FNDC3B: variants seen among roughly 807,000 people sequenced by gnomAD.
FNDC3B encodes fibronectin type III domain-containing protein 3B.
FNDC3B carries 12 observed loss-of-function variants against 151.5 expected under a neutral mutation model. The observed-to-expected ratio is 0.08, with a 90% CI of 0.05 to 0.13. The LOEUF (loss-of-function observed/expected upper bound fraction) is 0.13. FNDC3B is among the 10% of genes least tolerant of loss of function. The probability of loss-of-function intolerance (pLI) is 1.00; values close to 1 mark genes in which losing one functional copy is unlikely to be tolerated. For missense variants in FNDC3B, 1,214 were observed against 1,505.3 expected (o/e 0.81, Z 3.20); for synonymous variants, 528 against 549.0 (o/e 0.96, Z 0.54).
chr3:172,239,853 GTTCTTTTT>G (rs1727392116), intron 4 of FNDC3B, among the ~76,000 whole-genome samples: 4 of 65,876 alleles, frequency 6.1e-5, no homozygotes, highest in African/African-American at 2.3e-4. Flanking sequence ...ATCCATTTTA[GTTCTTTTT>G]TTTTTTTTTT....
intron 11 of FNDC3B, among the ~76,000 whole-genome samples, chr3:172,325,493 A>G (rs1323743804): frequency 6.6e-6 from 1 of 152,216 alleles, no homozygotes; most frequent in Non-Finnish European, 1.5e-5. Flanking sequence ...CCTCTAAAGC[A>G]TTAGCTCTTT....
At chr3:172,343,324 C>CGAG (rs1288748518) in intron 18 of FNDC3B, among the ~76,000 whole-genome samples, 1 of 152,162 alleles carries the variant, frequency 6.6e-6, no homozygotes, top group African/African-American at 2.4e-5. Context: ...CTGTCCCTCA[C>CGAG]CTTCCTCTTC....
At chr3:172,052,208 C>A (rs1021141602) in intron 1 of FNDC3B, among the ~76,000 whole-genome samples, 2 of 151,032 alleles carry the variant, frequency 1.3e-5, no homozygotes, top group Non-Finnish European at 3.0e-5. Context: ...CCCTCAGCCT[C>A]CCACGTGAAT....
chr3:172,182,653 G>A (rs907503412), intron 3 of FNDC3B, among the ~76,000 whole-genome samples: 1 of 152,158 alleles, frequency 6.6e-6, no homozygotes, highest in Admixed American at 6.5e-5. Context: ...GTTAAACGCA[G>A]GGAATTCCAA....
chr3:172,213,897 C>T (rs191714116), intron 3 of FNDC3B, among the ~76,000 whole-genome samples: 177 of 152,196 alleles, frequency 1.2e-3, no homozygotes, highest in Middle Eastern at 3.4e-3. Context: ...GTCTCAGGCC[C>T]CCTTAGTAGT....
At chr3:172,287,945 T>C (rs1730113030) in intron 7 of FNDC3B, among the ~76,000 whole-genome samples, 1 of 152,204 alleles carries the variant, frequency 6.6e-6, no homozygotes, top group African/African-American at 2.4e-5. Context: ...CAAGCATTGC[T>C]TGGCTACAGA....
At chr3:172,223,325 A>C (rs1726385991) in intron 3 of FNDC3B, among the ~76,000 whole-genome samples, 1 of 152,230 alleles carries the variant, frequency 6.6e-6, no homozygotes, top group Non-Finnish European at 1.5e-5. Flanking sequence ...AAGGAGAGGA[A>C]CTTGGGGTTC....
intron 3 of FNDC3B, among the ~76,000 whole-genome samples, chr3:172,173,767 T>C (rs7645498): frequency 0.033 from 4,997 of 151,380 alleles, 288 homozygotes; most frequent in African/African-American, 0.12. Context: ...GCTGTTTGAG[T>C]TGTGATTGTG....
At chr3:172,146,806 G>A (rs1721934669) in intron 3 of FNDC3B, among the ~76,000 whole-genome samples, 1 of 152,108 alleles carries the variant, frequency 6.6e-6, no homozygotes, top group African/African-American at 2.4e-5. Context: ...TTTAGCTTTG[G>A]TTATAAGCTT....
intron 2 of FNDC3B, among the ~76,000 whole-genome samples, chr3:172,119,225 G>GGAGTGACT (rs1720418949): frequency 6.6e-6 from 1 of 150,588 alleles, no homozygotes; most frequent in Non-Finnish European, 1.5e-5. Flanking sequence ...ACTAAATTTA[G>GGAGTGACT]GAGTGACTGA....
At chr3:172,199,558 A>G (rs191425600) in intron 3 of FNDC3B, among the ~76,000 whole-genome samples, 22 of 152,362 alleles carry the variant, frequency 1.4e-4, no homozygotes, top group Admixed American at 2.6e-4. Flanking sequence ...TCTTAATGTC[A>G]TCAATAGGTT....
chr3:172,067,931 C>A (rs1032179055), intron 1 of FNDC3B, among the ~76,000 whole-genome samples: 1 of 152,164 alleles, frequency 6.6e-6, no homozygotes, highest in Non-Finnish European at 1.5e-5. Context: ...GAGCAGAGAA[C>A]GTTCAGGCCA....
intron 3 of FNDC3B, among the ~76,000 whole-genome samples, chr3:172,190,539 C>T (rs1434867900): frequency 5.9e-5 from 9 of 152,128 alleles, no homozygotes; most frequent in African/African-American, 2.2e-4. Context: ...TTAAAAGGCT[C>T]AAGTGGATAA....
intron 10 of FNDC3B, among the ~76,000 whole-genome samples, chr3:172,308,354 T>C (rs1381174743): frequency 6.6e-6 from 1 of 152,224 alleles, no homozygotes; most frequent in East Asian, 1.9e-4. Flanking sequence ...GTTATCAATC[T>C]CTATAGCAGT....
chr3:172,077,837 G>A (rs1718090866), intron 1 of FNDC3B, among the ~76,000 whole-genome samples: 1 of 151,884 alleles, frequency 6.6e-6, no homozygotes, highest in Non-Finnish European at 1.5e-5. Flanking sequence ...TTATATTTTC[G>A]GCTTACAGCA....
intron 1 of FNDC3B, among the ~76,000 whole-genome samples, chr3:172,043,548 G>T (rs1471782065): frequency 6.6e-6 from 1 of 152,044 alleles, no homozygotes; most frequent in Admixed American, 6.6e-5. Context: ...GTAGAGACAG[G>T]TCTCACTAGG....
intron 3 of FNDC3B, among the ~76,000 whole-genome samples, chr3:172,174,188 A>G (rs137924690): frequency 2.2e-3 from 332 of 152,296 alleles, no homozygotes; most frequent in African/African-American, 7.5e-3. Context: ...ACCTGTTAGG[A>G]TCCAAGGCAT....
At chr3:172,316,813 C>G (rs1365134466) in intron 11 of FNDC3B, among the ~76,000 whole-genome samples, 2 of 152,230 alleles carry the variant, frequency 1.3e-5, no homozygotes, top group African/African-American at 2.4e-5. Flanking sequence ...AGCTTTGTCT[C>G]TGTCTTCATC....
At chr3:172,327,860 C>T (rs1468478876) in intron 11 of FNDC3B, among the ~76,000 whole-genome samples, 1 of 152,198 alleles carries the variant, frequency 6.6e-6, no homozygotes, top group Non-Finnish European at 1.5e-5. Context: ...AAAAAATGTG[C>T]TTGCTTTGTT....
Sources: gnomAD v4.1 joint callset for allele counts (sites outside exome capture counted in the v4.1 genomes callset) on GRCh38, gnomAD v4.1.1 for gene constraint, MANE v1.5 for transcripts, NCBI Gene and HGNC (gene_info 2026-07-23, HGNC 2026-07-21) for gene names.